SIRPG: variants seen among roughly 807,000 people sequenced by gnomAD.
SIRPG encodes signal-regulatory protein gamma.
A neutral mutation model predicts 35.7 loss-of-function variants in SIRPG; 38 were observed. The observed-to-expected ratio is 1.06, with a 90% CI of 0.82 to 1.40. The LOEUF (loss-of-function observed/expected upper bound fraction) is 1.40. Among genes scored for constraint, SIRPG ranks in the 40% most tolerant of loss-of-function variants. The pLI is 0.00. For missense variants in SIRPG, 519 were observed against 483.0 expected (o/e 1.07, Z -0.70); for synonymous variants, 215 against 190.4 (o/e 1.13, Z -1.06).
chr20:1,642,733 C>T (rs1001786600), intron 2 of SIRPG, among the ~76,000 whole-genome samples: 19 of 152,032 alleles, frequency 1.2e-4, no homozygotes, highest in South Asian at 2.1e-4. Context: ...ACATTTAGTA[C>T]TTCTTTCAGG....
chr20:1,663,456 CAGT>C, the SIRPG span, among the ~76,000 whole-genome samples: 19 of 152,314 alleles, frequency 1.2e-4, no homozygotes, highest in Middle Eastern at 6.8e-3. Context: ...AAATATAACT[CAGT>C]GGTGTACTGG....
chr20:1,667,629 A>G, the SIRPG span, among the ~76,000 whole-genome samples: 1 of 152,306 alleles, frequency 6.6e-6, no homozygotes, highest in Admixed American at 6.5e-5. Context: ...CCTTTAAGGG[A>G]GTCTTCAATG....
chr20:1,668,650 C>CA, the SIRPG span, among the ~76,000 whole-genome samples: 1 of 152,048 alleles, frequency 6.6e-6, no homozygotes, highest in Non-Finnish European at 1.5e-5. Flanking sequence ...ACACACCACA[C>CA]AAAAAACAGC....
At chr20:1,643,175 G>A (rs1454649209) in intron 2 of SIRPG, among the ~76,000 whole-genome samples, 3 of 151,318 alleles carry the variant, frequency 2.0e-5, no homozygotes, top group Admixed American at 6.6e-5. Context: ...TTCCAATTTG[G>A]TTCCATCCTC....
chr20:1,677,856 A>G, the SIRPG span, among the ~76,000 whole-genome samples: 5 of 152,216 alleles, frequency 3.3e-5, no homozygotes, highest in African/African-American at 4.8e-5. Context: ...AACATGCCAT[A>G]TATCGACAAC....
At chr20:1,681,256 A>T in the SIRPG span, among the ~76,000 whole-genome samples, 1 of 152,226 alleles carries the variant, frequency 6.6e-6, no homozygotes, top group African/African-American at 2.4e-5. Flanking sequence ...TACTAGCAGC[A>T]GCTGCAGAAA....
the SIRPG span, among the ~76,000 whole-genome samples, chr20:1,674,220 T>G: frequency 6.6e-6 from 1 of 150,550 alleles, no homozygotes; most frequent in African/African-American, 2.5e-5. Context: ...GATTTAAATT[T>G]TTTTTTTTCA....
chr20:1,654,164 G>A (rs941164826), intron 1 of SIRPG, among the ~76,000 whole-genome samples: 4 of 151,732 alleles, frequency 2.6e-5, no homozygotes, highest in Non-Finnish European at 5.9e-5. Flanking sequence ...ACTTGAACCC[G>A]GGAGGTGGAG....
At position 1,635,472 on chromosome 20, in the gene SIRPG, GCA is replaced by G; in HGVS notation, c.874_875del (p.Cys292ProfsTer28). ...QLTWSENGNV[C>X]QRETASTLTE... ...TAAGGGTCGAGGCTGTTTCTCTCTGGCACACGTTTCCATTCTCCGACCAGGTC... is the reference window on the plus strand; with the variant it reads ...TAAGGGTCGAGGCTGTTTCTCTCTGGCACGTTTCCATTCTCCGACCAGGTC... On this transcript the variant is annotated frameshift_variant, in exon 4 of 6. Coordinates refer to ENST00000303415, the MANE Select transcript of SIRPG (RefSeq NM_018556.4). LOFTEE classifies it high-confidence loss of function. The G allele has an allele frequency of 1.9e-6, 3 of 1,614,122 alleles. No homozygotes were observed. The highest frequency in any genetic ancestry group is 1.1e-5 in the South Asian group (1 of 91,082).
intron 2 of SIRPG, among the ~76,000 whole-genome samples, 161 bp downstream of exon 2, chr20:1,648,891 G>T (rs540720270): frequency 6.6e-6 from 1 of 152,288 alleles, no homozygotes; most frequent in Admixed American, 6.5e-5. Context: ...ATAGCATGAT[G>T]TCCCTGGGCT....
At chr20:1,677,669 C>A in the SIRPG span, among the ~76,000 whole-genome samples, 1 of 152,124 alleles carries the variant, frequency 6.6e-6, no homozygotes, top group Non-Finnish European at 1.5e-5. Flanking sequence ...TATTGTAGTT[C>A]TGGAATTCAG....
At chr20:1,670,919 G>T in the SIRPG span, 1 of 328,394 alleles carries the variant, frequency 3.0e-6, no homozygotes, top group Non-Finnish European at 6.1e-6. Flanking sequence ...CCACAAAGAG[G>T]GTCCCCCTGT....
At chr20:1,638,792 C>T (rs2091825805) in intron 2 of SIRPG, among the ~76,000 whole-genome samples, 1 of 143,874 alleles carries the variant, frequency 7.0e-6, no homozygotes, top group Admixed American at 7.0e-5. Context: ...CTTGACTGGC[C>T]CTGGTGTGTG....
the SIRPG span, among the ~76,000 whole-genome samples, chr20:1,681,071 G>T: frequency 6.6e-6 from 1 of 152,200 alleles, no homozygotes; most frequent in Non-Finnish European, 1.5e-5. Flanking sequence ...TTTCTTAAGA[G>T]ACTGAAATCT....
chr20:1,667,989 G>A, the SIRPG span, among the ~76,000 whole-genome samples: 1 of 152,054 alleles, frequency 6.6e-6, no homozygotes, highest in African/African-American at 2.4e-5. Flanking sequence ...CCTCCCTCAA[G>A]CTAATGACAC....
intron 2 of SIRPG, among the ~76,000 whole-genome samples, chr20:1,643,045 T>C (rs903347200): frequency 6.6e-5 from 10 of 152,168 alleles, no homozygotes; most frequent in Non-Finnish European, 1.3e-4. Context: ...TTATTATGTG[T>C]CTTGGGGTTG....
rs115717911 is a variant in SIRPG at position 1,645,646 on chromosome 20, G to A, written c.430+3406C>T. Reference sequence around the variant, plus strand: ...AGCTCTCCCTACAGTCTGTGATGTCGGTGTTATCATCAACAGATGAGGACA... The same window carrying A: ...AGCTCTCCCTACAGTCTGTGATGTCAGTGTTATCATCAACAGATGAGGACA... On this transcript the variant is annotated intron_variant, in intron 2 of 5. Coordinates refer to ENST00000303415, the MANE Select transcript of SIRPG (RefSeq NM_018556.4). Among the ~76,000 whole-genome samples the A allele has an allele frequency of 6.4e-3, 974 of 152,256 alleles. 10 individuals are homozygous for A. The highest frequency in any genetic ancestry group is 0.018 in the African/African-American group (767 of 41,556).
At chr20:1,685,931 C>T in the SIRPG span, among the ~76,000 whole-genome samples, 2 of 152,128 alleles carry the variant, frequency 1.3e-5, no homozygotes, top group Non-Finnish European at 2.9e-5. Context: ...GATGGTTTTG[C>T]CTCCTGGAGC....
At chr20:1,661,340 C>T (rs905005174), upstream of SIRPG, among the ~76,000 whole-genome samples, 5 of 152,106 alleles carry the variant, frequency 3.3e-5, no homozygotes, top group African/African-American at 1.2e-4. Flanking sequence ...CAATATGACC[C>T]CAGTAAGGGT....
Sources: allele counts gnomAD v4.1 joint callset (sites outside exome capture counted in the v4.1 genomes callset), GRCh38; gene constraint gnomAD v4.1.1; transcripts MANE v1.5; gene names NCBI Gene and HGNC (gene_info 2026-07-23, HGNC 2026-07-21).